The following CFAP54 variants were observed in gnomAD, a reference collection of about 807,000 sequenced individuals.
CFAP54 encodes the protein cilia and flagella associated protein 54, also known as cilia- and flagella-associated protein 54.
CFAP54 carries 290 observed loss-of-function variants against 370.4 expected under a neutral mutation model. That is an observed-to-expected ratio of 0.78 (90% confidence interval 0.71 to 0.86). The LOEUF (loss-of-function observed/expected upper bound fraction) is 0.86. Among genes scored for constraint, CFAP54 ranks in the 40% least tolerant of loss-of-function variants. CFAP54 has a pLI of 0.00. For missense variants in CFAP54, 3,399 were observed against 3,528.7 expected (o/e 0.96, Z 0.93); for synonymous variants, 1,206 against 1,236.5 (o/e 0.98, Z 0.52).
chr12:96,726,116 G>A (rs376900274), intron 50 of CFAP54, among the ~76,000 whole-genome samples: 3 of 150,364 alleles, frequency 2.0e-5, no homozygotes, highest in African/African-American at 4.9e-5. Context: ...ATGTTCATCA[G>A]GGATATTGGT....
chr12:96,544,594 A>G (rs1441477718), intron 14 of CFAP54, among the ~76,000 whole-genome samples: 2 of 152,190 alleles, frequency 1.3e-5, no homozygotes, highest in East Asian at 3.8e-4. Flanking sequence ...TGTAGGACAT[A>G]AGACTCATTT....
At chr12:96,849,892 T>G (rs914350452) in intron 66 of CFAP54, among the ~76,000 whole-genome samples, 26 of 152,208 alleles carry the variant, frequency 1.7e-4, no homozygotes, top group African/African-American at 6.0e-4. Context: ...GTCTTTTATC[T>G]GCCAGTCTGT....
intron 39 of CFAP54, among the ~76,000 whole-genome samples, chr12:96,669,253 G>T (rs767962878): frequency 2.6e-5 from 4 of 152,206 alleles, no homozygotes; most frequent in Non-Finnish European, 5.9e-5. Context: ...TAGAGATCTA[G>T]TTTTATCTGG....
At chr12:96,538,755 GC>G in intron 13 of CFAP54, 3 of 445,928 alleles carry the variant, frequency 6.7e-6, no homozygotes, top group East Asian at 4.1e-5. Context: ...GGTGTTTCAG[GC>G]CTTTTTTTTT....
At chr12:96,611,174 C>G (rs1316244229) in intron 26 of CFAP54, among the ~76,000 whole-genome samples, 1 of 152,194 alleles carries the variant, frequency 6.6e-6, no homozygotes, top group Non-Finnish European at 1.5e-5. Flanking sequence ...GGCTGGGTAC[C>G]CCTCTGAGAC....
In CFAP54 at chr12:96,765,176, G is replaced by A; in HGVS notation, c.8239G>A (p.Ala2747Thr). ...QVALPNIPEF[A>T]ALDLLSSYTD... ...GGCATTACCAAATATCCCAGAATTTGCTGCTCTGGATCTTTTGTCTTCGTA... is the reference window on the plus strand; with the variant it reads ...GGCATTACCAAATATCCCAGAATTTACTGCTCTGGATCTTTTGTCTTCGTA... Residue 2747 changes from alanine to threonine, a missense_variant, in exon 60 of 68, where the codon GCT (alanine) becomes ACT (threonine). Ala to Thr is a moderately conservative substitution (Grantham distance 58). Around this residue, in one of 3 missense-constraint regions of CFAP54, gnomAD observed 2,796 missense variants for 2,869.7 expected, o/e 0.97. Transcript: ENST00000524981. The A allele has an allele frequency of 6.5e-7, 1 of 1,541,580 alleles. No homozygotes were observed. The highest frequency in any genetic ancestry group is 8.8e-7 in the Non-Finnish European group (1 of 1,131,204).
intron 26 of CFAP54, among the ~76,000 whole-genome samples, chr12:96,599,127 TA>T (rs1956211970): frequency 1.3e-5 from 2 of 152,126 alleles, no homozygotes; most frequent in African/African-American, 4.8e-5. Flanking sequence ...TCATTTACAT[TA>T]GGTATTTCTC....
At chr12:96,592,692 A>G (rs1291673860) in intron 24 of CFAP54, 55 bp downstream of exon 24, 1 of 584,498 alleles carries the variant, frequency 1.7e-6, no homozygotes, top group African/African-American at 1.9e-5. Context: ...TTTTTTCTTG[A>G]TGTTTTAAGA....
Position 96,612,300 on chromosome 12 carries a change from T to C in CFAP54, c.3640-9290T>C, listed in dbSNP as rs1956366914. ...ATCCAGCCAAACTAAGCTTCATAAG[T>C]GAAGGAAAAATAAAATCCTTTACAG... On this transcript the variant is annotated intron_variant, in intron 26 of 67. Coordinates refer to ENST00000524981, the MANE Select transcript of CFAP54 (RefSeq NM_001306084.2). 3.3e-5 allele frequency among the ~76,000 whole-genome samples: 5 copies of C among 150,148 alleles called. No individual in the cohort carries two copies. The South Asian group carries it at 1.0e-3, about 32-fold the overall frequency.
intron 35 of CFAP54, among the ~76,000 whole-genome samples, chr12:96,651,360 G>A (rs1363508662): frequency 1.3e-5 from 2 of 152,140 alleles, no homozygotes; most frequent in Non-Finnish European, 2.9e-5. Flanking sequence ...TTCCTCATCT[G>A]TAAATTGGGT....
At chr12:96,679,406 A>G (rs1290014128) in intron 39 of CFAP54, among the ~76,000 whole-genome samples, 194 bp from the exon 40 acceptor site, 2 of 150,634 alleles carry the variant, frequency 1.3e-5, no homozygotes, top group East Asian at 3.9e-4. Context: ...TTTTTTTTTA[A>G]AAGGACCTTC....
At chr12:96,512,563 G>A (rs1025312249) in intron 4 of CFAP54, among the ~76,000 whole-genome samples, 1 of 151,644 alleles carries the variant, frequency 6.6e-6, no homozygotes, top group African/African-American at 2.4e-5. Flanking sequence ...GGCTGGTCTT[G>A]AGCTCCTGAC....
intron 16 of CFAP54, among the ~76,000 whole-genome samples, 168 bp downstream of exon 16, chr12:96,554,478 AT>A (rs1955731157): frequency 6.6e-6 from 1 of 152,072 alleles, no homozygotes; most frequent in African/African-American, 2.4e-5. Flanking sequence ...GAGTCTTTGA[AT>A]TTGTTAATGA....
chr12:96,817,388 C>A (rs963542656), intron 64 of CFAP54, among the ~76,000 whole-genome samples: 12 of 151,440 alleles, frequency 7.9e-5, no homozygotes, highest in Non-Finnish European at 1.5e-5. Context: ...TGAGGGCTTA[C>A]TTTATACAAG....
chr12:96,774,358 A>T (rs1958494194), intron 60 of CFAP54, among the ~76,000 whole-genome samples: 1 of 152,284 alleles, frequency 6.6e-6, no homozygotes, highest in East Asian at 1.9e-4. Flanking sequence ...TGTCATAGTT[A>T]GAAAAGTCCT....
intron 65 of CFAP54, among the ~76,000 whole-genome samples, chr12:96,826,605 GATAAT>G (rs1475360637): frequency 4.0e-5 from 4 of 100,110 alleles, no homozygotes; most frequent in African/African-American, 1.7e-4. Flanking sequence ...TATATTATAT[GATAAT>G]ATATCATGAT....
intron 46 of CFAP54, 68 bp from the exon 47 acceptor site, chr12:96,704,675 T>A: frequency 1.6e-6 from 1 of 617,382 alleles, no homozygotes; most frequent in Non-Finnish European, 2.6e-6. Context: ...TAGAACACAT[T>A]AAATGTTTTA....
intron 46 of CFAP54, among the ~76,000 whole-genome samples, chr12:96,704,488 A>C: frequency 7.8e-6 from 1 of 128,630 alleles, no homozygotes; most frequent in African/African-American, 2.8e-5. Flanking sequence ...ATATATATAT[A>C]TATATATATA....
intron 63 of CFAP54, among the ~76,000 whole-genome samples, chr12:96,796,275 G>T (rs555977719): frequency 2.1e-4 from 32 of 152,124 alleles, no homozygotes; most frequent in Admixed American, 3.9e-4. Flanking sequence ...TGCAAGTTCG[G>T]CCTATCTCCT....
Sources: gnomAD v4.1 joint callset for allele counts (sites outside exome capture counted in the v4.1 genomes callset) on GRCh38, gnomAD v4.1.1 for gene constraint, gnomAD v4.1.1 regional missense constraint, MANE v1.5 for transcripts, NCBI Gene and HGNC (gene_info 2026-07-23, HGNC 2026-07-21) for gene names.